Variants in GNPDA1 observed in about 807,000 individuals in gnomAD.
The protein encoded by GNPDA1 is glucosamine-6-phosphate deaminase 1.
GNPDA1 carries 24 observed loss-of-function variants against 28.5 expected under a neutral mutation model. The observed-to-expected ratio is 0.84, with a 90% CI of 0.61 to 1.19. GNPDA1 has a LOEUF of 1.19. GNPDA1 is among the 50% of genes most tolerant of loss of function. The pLI is 0.00. For synonymous variants in GNPDA1, 147 were observed against 139.3 expected, an observed-to-expected ratio of 1.06 and a Z score of -0.39; for missense variants, 264 against 367.3, an observed-to-expected ratio of 0.72 and a Z score of 2.30.
At position 142,003,049 on chromosome 5, in the gene GNPDA1, A is replaced by C; in HGVS notation, c.769+39T>G. The C allele has an allele frequency of 3.2e-6, 5 of 1,573,528 alleles. No homozygotes were observed. Among genetic ancestry groups the C allele is most frequent in the Non-Finnish European group, 4.3e-6 (5 of 1,152,116 alleles). On this transcript the variant is annotated intron_variant, in intron 6 of 6. Coordinates refer to ENST00000311337, the MANE Select transcript of GNPDA1 (RefSeq NM_005471.5). The surrounding 1 kb of genome is among the most constrained non-coding windows in gnomAD (Gnocchi z 4.0). ...CTACTCCTTACTCCTAGCACACCCT[A>C]AGCTTGACCACCTCCTCCTGGACCC...
In GNPDA1 at chr5:142,006,126, GC is replaced by G. The variant is rs1755797650; in HGVS notation, c.409+17del. The stretch of plus-strand genomic sequence containing the variant: ...GGGTCTGGCCCTGGACATGTGTGCT[GC>G]AGAGTGTCAAGCTCACCTCCAACAA... On this transcript the variant is annotated intron_variant, in intron 4 of 6. Coordinates refer to ENST00000311337, the MANE Select transcript of GNPDA1 (RefSeq NM_005471.5). 5 of 1,601,384 alleles carry G rather than the reference GC, an allele frequency of 3.1e-6. No homozygotes were observed. The highest frequency in any genetic ancestry group is 2.7e-5 in the African/African-American group (2 of 74,870).
intron 1 of GNPDA1, chr5:142,012,749 T>C (rs1755994362): frequency 1.0e-6 from 1 of 960,172 alleles, no homozygotes; most frequent in Non-Finnish European, 1.2e-6. Context: ...AAGGAGGACA[T>C]TTTGTTCCCC....
intron 3 of GNPDA1, 57 bp downstream of exon 3, chr5:142,007,742 G>T: frequency 9.7e-7 from 1 of 1,028,578 alleles, no homozygotes; most frequent in South Asian, 1.3e-5. Context: ...GGGCCAATGA[G>T]AGGAGGAGCA....
chr5:142,006,707 C>T (rs1755814608), intron 3 of GNPDA1, among the ~76,000 whole-genome samples: 1 of 152,164 alleles, frequency 6.6e-6, no homozygotes, highest in Admixed American at 6.5e-5. Context: ...CACCCCTCAC[C>T]CTGTGCCTCT....
At chr5:142,005,976 ATAACATAGTTCCTGAG>A in intron 4 of GNPDA1, 152 bp downstream of exon 4, 2 of 581,702 alleles carry the variant, frequency 3.4e-6, no homozygotes, top group Non-Finnish European at 6.1e-6. Context: ...GATCTCCAAG[ATAACATAGTTCCTGAG>A]TAACAGAGCC....
Position 142,003,075 on chromosome 5 carries a change from A to T in GNPDA1, c.769+13T>A, listed in dbSNP as rs1755716379. The T allele has an allele frequency of 6.2e-7, 1 of 1,607,008 alleles. No individual in the cohort carries two copies. Among genetic ancestry groups the T allele is most frequent in the South Asian group, 1.1e-5 (1 of 89,750 alleles). ...AGCTTGACCACCTCCTCCTGGACCC[A>T]CACCTCCCTCACCTTTGAAATACTT... On this transcript the variant is annotated intron_variant, in intron 6 of 6. Coordinates refer to ENST00000311337, the MANE Select transcript of GNPDA1 (RefSeq NM_005471.5). The surrounding 1 kb of genome is among the most constrained non-coding windows in gnomAD (Gnocchi z 4.0).
Position 142,001,848 on chromosome 5 carries a change from A to G in GNPDA1, c.*181T>C. 2.4e-6 allele frequency: 1 copy of G among 415,894 alleles called. No homozygotes were observed. The highest frequency in any genetic ancestry group is 4.3e-5 in the Admixed American group (1 of 23,224). 25.8% of individuals were successfully genotyped at this position (415,894 alleles called of 1,614,324 possible). On this transcript the variant is annotated 3_prime_UTR_variant, in exon 7 of 7. Transcript: ENST00000311337. ...TTTTTTTTCTGATTAAGTTACAAACATTCTCCCTATAGCTAAACTCCGTGA... is the reference window on the plus strand; with the variant it reads ...TTTTTTTTCTGATTAAGTTACAAACGTTCTCCCTATAGCTAAACTCCGTGA...
rs1335349012 is a variant in GNPDA1, at chr5:142,006,224, T to G, written c.329A>C (p.Asn110Thr). The change falls in exon 4 of 7, where the codon AAT becomes ACT. Residue 110 changes from asparagine to threonine, a missense_variant. Asn to Thr is a moderately conservative substitution (Grantham distance 65). Transcript: ENST00000311337. The stretch of plus-strand genomic sequence containing the variant: ...ACATTCTGCCTGTAGGTCGACTGCA[T>G]TCCCATCCAGAATGTGGGTGTTTTC... Reference protein sequence around the residue: ...HPENTHILDGNAVDLQAECDA... With the variant: ...HPENTHILDGTAVDLQAECDA... 4.3e-6 allele frequency: 7 copies of G among 1,613,894 alleles called. No individual in the cohort carries two copies. The highest frequency in any genetic ancestry group is 5.9e-6 in the Non-Finnish European group (7 of 1,179,834).
chr5:142,005,716 A>G (rs1289570200), intron 4 of GNPDA1, among the ~76,000 whole-genome samples: 2 of 152,204 alleles, frequency 1.3e-5, no homozygotes, highest in African/African-American at 4.8e-5. Context: ...GGACCCGAGC[A>G]CAAATCCAAG....
rs967004780 is a variant in GNPDA1 at position 142,012,997 on chromosome 5, G to A, written c.-9C>T. ...CGCCAGCCCTGCTACCCACTTACAC[G>A]GACGCCTCCCGCGGCGGCTGCAGCG... On this transcript the variant is annotated splice_region_variant and 5_prime_UTR_variant, in exon 1 of 7. Transcript: ENST00000311337. 6.6e-5 allele frequency: 10 copies of A among 151,350 alleles called. No homozygotes were observed. Among genetic ancestry groups the A allele is most frequent in the African/African-American group, 2.4e-4 (10 of 41,316 alleles). 9.4% of individuals were successfully genotyped at this position (151,350 alleles called of 1,614,324 possible). A position where few individuals can be genotyped will look rare whatever the true frequency, so the allele number is the denominator to read the frequency against.
Position 142,006,288 on chromosome 5 carries a change from TGAA to T in GNPDA1, c.262_264del (p.Phe88del). On this transcript the variant is annotated inframe_deletion, in exon 4 of 7. Transcript: ENST00000311337. The stretch of plus-strand genomic sequence containing the variant: ...ATGTGCTTGAAGAAGTTGTTCCACA[TGAA>T]GGAGTGGTAACTCTCCGGGTGGTCT... The T allele has an allele frequency of 6.2e-7, 1 of 1,614,056 alleles. No homozygotes were observed. Among genetic ancestry groups the T allele is most frequent in the Non-Finnish European group, 8.5e-7 (1 of 1,179,934 alleles).
chr5:142,004,138 A>C (rs1033799666), intron 5 of GNPDA1, among the ~76,000 whole-genome samples: 3 of 152,186 alleles, frequency 2.0e-5, no homozygotes, highest in African/African-American at 7.2e-5. Flanking sequence ...CCCTCATGAT[A>C]AAGACGGCCC....
chr5:142,006,054 G>C (rs540873097), intron 4 of GNPDA1, 90 bp downstream of exon 4: 316 of 1,098,678 alleles, frequency 2.9e-4, no homozygotes, highest in Non-Finnish European at 4.1e-4. Flanking sequence ...AGCACACCCA[G>C]AAGAAGCTGT....
chr5:142,004,624 C>T (rs886322855), intron 5 of GNPDA1, among the ~76,000 whole-genome samples: 4 of 152,206 alleles, frequency 2.6e-5, no homozygotes, highest in African/African-American at 9.7e-5. Flanking sequence ...AATATTCCAA[C>T]ATTAGCGATG....
chr5:142,009,450 T>C (rs1441170516), intron 2 of GNPDA1, among the ~76,000 whole-genome samples: 1 of 152,188 alleles, frequency 6.6e-6, no homozygotes, highest in Non-Finnish European at 1.5e-5. Flanking sequence ...TAACATACTC[T>C]ATATTTTGCT....
At chr5:142,004,494 CCACATTTATTAAT>C (rs1755751523) in intron 5 of GNPDA1, among the ~76,000 whole-genome samples, 1 of 152,220 alleles carries the variant, frequency 6.6e-6, no homozygotes, top group Non-Finnish European at 1.5e-5. Context: ...TCATACTTCA[CCACATTTATTAAT>C]CTCTGAGCAC....
chr5:142,005,210 A>G, intron 4 of GNPDA1, 94 bp from the exon 5 acceptor site: 1 of 949,406 alleles, frequency 1.1e-6, no homozygotes, highest in East Asian at 2.6e-5. Flanking sequence ...GGTCTGAAGA[A>G]AAATCATTGA....
In GNPDA1 at chr5:142,000,782, AC is replaced by A. The variant is rs1230791238; in HGVS notation, c.*1246del. ...ATCACATAGAAAAGCTAAAGACAAAACACTGGTACCAAACATAGCCCTTAGG... is the reference window on the plus strand; with the variant it reads ...ATCACATAGAAAAGCTAAAGACAAAAACTGGTACCAAACATAGCCCTTAGG... On this transcript the variant is annotated 3_prime_UTR_variant, in exon 7 of 7. Coordinates refer to ENST00000311337, the MANE Select transcript of GNPDA1 (RefSeq NM_005471.5). The A allele has an allele frequency of 2.0e-5, 3 of 152,388 alleles. No homozygotes were observed. Among genetic ancestry groups the A allele is most frequent in the Non-Finnish European group, 4.4e-5 (3 of 68,048 alleles). The allele number at this position is 152,388 out of a possible 1,614,324, so 9.4% of individuals were successfully genotyped here.
intron 2 of GNPDA1, 73 bp from the exon 3 acceptor site, chr5:142,007,973 A>C: frequency 1.2e-6 from 1 of 813,404 alleles, no homozygotes; most frequent in South Asian, 1.4e-5. Context: ...CACAGGAATA[A>C]GTCAGGGCTG....
Sources: gnomAD v4.1 joint callset for allele counts (sites outside exome capture counted in the v4.1 genomes callset) on GRCh38, gnomAD v4.1.1 for gene constraint, Gnocchi (gnomAD v3.1) non-coding constraint, MANE v1.5 for transcripts, NCBI Gene and HGNC (gene_info 2026-07-23, HGNC 2026-07-21) for gene names.